SLC9A9: variants seen among roughly 807,000 people sequenced by gnomAD.
The protein encoded by SLC9A9 is solute carrier family 9 member A9, also known as sodium/hydrogen exchanger 9.
SLC9A9 carries 62 observed loss-of-function variants against 77.8 expected under a neutral mutation model. The observed-to-expected ratio is 0.80, with a 90% confidence interval of 0.65 to 0.98. The LOEUF (loss-of-function observed/expected upper bound fraction) is 0.98, where lower values mean the gene tolerates loss of function less well. SLC9A9 is among the 50% of genes least tolerant of loss of function. SLC9A9 has a pLI of 0.00. For synonymous variants in SLC9A9, 320 were observed against 283.5 expected, an observed-to-expected ratio of 1.13 and a Z score of -1.29; for missense variants, 775 against 774.9, an observed-to-expected ratio of 1.00 and a Z score of 0.00.
At chr3:143,783,494 C>G (rs2007948770) in intron 4 of SLC9A9, among the ~76,000 whole-genome samples, 1 of 152,174 alleles carries the variant, frequency 6.6e-6, no homozygotes, top group Non-Finnish European at 1.5e-5. Flanking sequence ...CCTGGCACAG[C>G]ACTTACTGAC....
At chr3:143,347,567 C>T (rs557709482) in intron 14 of SLC9A9, among the ~76,000 whole-genome samples, 35 of 152,140 alleles carry the variant, frequency 2.3e-4, no homozygotes, top group Admixed American at 5.2e-4. Context: ...AAAGGGCACC[C>T]GGATAGGGGA....
chr3:143,511,418 G>A (rs2036113682), intron 9 of SLC9A9, among the ~76,000 whole-genome samples: 1 of 152,164 alleles, frequency 6.6e-6, no homozygotes, highest in African/African-American at 2.4e-5. Flanking sequence ...GGGGAGGAAG[G>A]AGCCAGCAGC....
At chr3:143,803,107 T>C (rs1158072850) in intron 2 of SLC9A9, among the ~76,000 whole-genome samples, 1 of 152,094 alleles carries the variant, frequency 6.6e-6, no homozygotes, top group Non-Finnish European at 1.5e-5. Flanking sequence ...TACTTAGTCA[T>C]CTATAGTACC....
chr3:143,326,415 C>T (rs1463008820), intron 14 of SLC9A9, among the ~76,000 whole-genome samples: 1 of 152,194 alleles, frequency 6.6e-6, no homozygotes, highest in Non-Finnish European at 1.5e-5. Flanking sequence ...CGTGATCTGT[C>T]TGCCTCATTG....
intron 12 of SLC9A9, among the ~76,000 whole-genome samples, chr3:143,456,707 G>A (rs1031052138): frequency 2.6e-5 from 4 of 151,872 alleles, no homozygotes; most frequent in African/African-American, 9.7e-5. Flanking sequence ...TGAGATTACA[G>A]GTGCCTGTCA....
intron 14 of SLC9A9, among the ~76,000 whole-genome samples, chr3:143,299,244 G>A (rs933078906): frequency 2.0e-5 from 3 of 152,104 alleles, no homozygotes; most frequent in African/African-American, 7.2e-5. Flanking sequence ...GCCCTAAGAA[G>A]ATTAAAACCA....
At chr3:143,381,588 A>G (rs2033304820) in intron 13 of SLC9A9, 1 of 180,328 alleles carries the variant, frequency 5.5e-6, no homozygotes, top group Non-Finnish European at 1.2e-5. Flanking sequence ...GTCTCTGTAG[A>G]TAATTGTTGC....
chr3:143,535,816 A>G (rs2036581472), intron 9 of SLC9A9, among the ~76,000 whole-genome samples: 1 of 152,200 alleles, frequency 6.6e-6, no homozygotes, highest in South Asian at 2.1e-4. Flanking sequence ...TGTTCCACCC[A>G]TACACAGTCC....
chr3:143,770,903 C>A (rs936425421), intron 4 of SLC9A9, among the ~76,000 whole-genome samples: 2 of 152,036 alleles, frequency 1.3e-5, no homozygotes, highest in Admixed American at 1.3e-4. Flanking sequence ...CAAATAGCTC[C>A]TAAACAAGTT....
At chr3:143,670,280 T>C (rs2039137068) in intron 5 of SLC9A9, among the ~76,000 whole-genome samples, 1 of 152,212 alleles carries the variant, frequency 6.6e-6, no homozygotes, top group African/African-American at 2.4e-5. Flanking sequence ...ATGTGGAATG[T>C]GTATATTTTC....
intron 9 of SLC9A9, among the ~76,000 whole-genome samples, chr3:143,537,285 A>G (rs969917688): frequency 1.3e-5 from 2 of 152,246 alleles, no homozygotes; most frequent in Non-Finnish European, 1.5e-5. Flanking sequence ...GGGACTTGTA[A>G]AAAATTCTAA....
intron 6 of SLC9A9, among the ~76,000 whole-genome samples, chr3:143,585,492 A>T (rs922565098): frequency 1.3e-5 from 2 of 152,170 alleles, no homozygotes; most frequent in Admixed American, 6.5e-5. Context: ...TACATCTTAC[A>T]CATACTATAC....
At chr3:143,604,999 G>A (rs2037898605) in intron 6 of SLC9A9, among the ~76,000 whole-genome samples, 2 of 152,030 alleles carry the variant, frequency 1.3e-5, no homozygotes, top group Non-Finnish European at 2.9e-5. Flanking sequence ...CGTCACAAAG[G>A]GACAAATGCA....
intron 14 of SLC9A9, among the ~76,000 whole-genome samples, chr3:143,359,701 A>G (rs1053579710): frequency 3.3e-5 from 5 of 152,110 alleles, no homozygotes; most frequent in Non-Finnish European, 5.9e-5. Context: ...CCACTCCACA[A>G]TGGGGATATG....
At chr3:143,623,522 T>C (rs1455212215) in intron 6 of SLC9A9, among the ~76,000 whole-genome samples, 3 of 152,022 alleles carry the variant, frequency 2.0e-5, no homozygotes, top group East Asian at 1.9e-4. Flanking sequence ...CTACTGGGTA[T>C]GTAATGAAAT....
At chr3:143,655,115 C>A (rs1199245005) in intron 5 of SLC9A9, among the ~76,000 whole-genome samples, 1 of 152,152 alleles carries the variant, frequency 6.6e-6, no homozygotes, top group African/African-American at 2.4e-5. Flanking sequence ...ACAAATGAGT[C>A]AAATAGGTGA....
In SLC9A9 at chr3:143,467,026, G is replaced by T. The variant is rs199715108; in HGVS notation, c.1469+11C>A. On this transcript the variant is annotated intron_variant, in intron 12 of 15. Transcript: ENST00000316549. ...TCATAATGATTTCCTTTGCTAGACG[G>T]TGTCACTCACCTGATCTGAAGCCAA... 708 of 1,612,804 alleles carry T rather than the reference G, an allele frequency of 4.4e-4. 4 individuals are homozygous for T. The highest frequency in any genetic ancestry group is 4.7e-5 in the Non-Finnish European group (56 of 1,179,580).
intron 13 of SLC9A9, among the ~76,000 whole-genome samples, chr3:143,367,776 A>G (rs370817688): frequency 6.6e-6 from 1 of 152,208 alleles, no homozygotes; most frequent in East Asian, 1.9e-4. Flanking sequence ...AGCAGTCATC[A>G]CAAGTTGAAT....
chr3:143,520,619 T>C (rs919523325), intron 9 of SLC9A9, among the ~76,000 whole-genome samples: 1 of 152,202 alleles, frequency 6.6e-6, no homozygotes, highest in Non-Finnish European at 1.5e-5. Flanking sequence ...AATAATTCCA[T>C]TAGGTAGGAA....
Sources: gnomAD v4.1 joint callset for allele counts (sites outside exome capture counted in the v4.1 genomes callset) on GRCh38, gnomAD v4.1.1 for gene constraint, MANE v1.5 for transcripts, NCBI Gene and HGNC (gene_info 2026-07-23, HGNC 2026-07-21) for gene names.